FAM117B: variants seen among roughly 807,000 people sequenced by gnomAD.
The protein encoded by FAM117B is family with sequence similarity 117 member B.
FAM117B carries 22 observed loss-of-function variants against 52.8 expected under a neutral mutation model. The observed-to-expected ratio is 0.42, with a 90% CI of 0.30 to 0.59. The LOEUF is 0.59. Ranked by LOEUF, FAM117B falls within the 20% of genes least tolerant of loss-of-function variation. FAM117B has a pLI of 0.22. For synonymous variants in FAM117B, 309 were observed against 324.1 expected (o/e 0.95, Z 0.50); for missense variants, 678 against 802.6 (o/e 0.84, Z 1.88).
At chr2:202,659,206 A>G (rs1690093241) in intron 1 of FAM117B, among the ~76,000 whole-genome samples, 3 of 151,624 alleles carry the variant, frequency 2.0e-5, no homozygotes, top group Admixed American at 1.3e-4. Flanking sequence ...GGGTTTCACT[A>G]TGTTGCCCAG....
intron 1 of FAM117B, among the ~76,000 whole-genome samples, chr2:202,650,784 G>T (rs1689943646): frequency 6.6e-6 from 1 of 152,108 alleles, no homozygotes; most frequent in African/African-American, 2.4e-5. Context: ...GGAGAAAGAT[G>T]AAGGCCGGAA....
intron 2 of FAM117B, among the ~76,000 whole-genome samples, chr2:202,706,192 T>G (rs1238737888): frequency 6.6e-6 from 1 of 152,202 alleles, no homozygotes; most frequent in Non-Finnish European, 1.5e-5. Flanking sequence ...TGTCTTTCTC[T>G]TTCCTGTTTC....
intron 2 of FAM117B, among the ~76,000 whole-genome samples, chr2:202,714,305 A>G (rs771773404): frequency 2.0e-5 from 3 of 152,144 alleles, no homozygotes; most frequent in Admixed American, 6.6e-5. Context: ...ATGTTCTGCA[A>G]ATATCTATTA....
intron 1 of FAM117B, among the ~76,000 whole-genome samples, chr2:202,662,726 C>T (rs1690149242): frequency 6.6e-6 from 1 of 152,064 alleles, no homozygotes; most frequent in South Asian, 2.1e-4. Flanking sequence ...CGCCTGTAGT[C>T]CCAGCTACTT....
intron 2 of FAM117B, among the ~76,000 whole-genome samples, chr2:202,709,177 A>G (rs943013135): frequency 4.8e-5 from 7 of 146,674 alleles, no homozygotes; most frequent in Non-Finnish European, 1.0e-4. Context: ...TCCTTAGCCC[A>G]CTTTTTTTTT....
chr2:202,647,433 TA>T (rs1252408916), intron 1 of FAM117B, among the ~76,000 whole-genome samples: 1 of 152,206 alleles, frequency 6.6e-6, no homozygotes, highest in Non-Finnish European at 1.5e-5. Context: ...CGTGTATATA[TA>T]TTTTTTTCTG....
intron 1 of FAM117B, among the ~76,000 whole-genome samples, chr2:202,693,576 A>G (rs1690665923): frequency 6.6e-6 from 1 of 152,246 alleles, no homozygotes; most frequent in African/African-American, 2.4e-5. Flanking sequence ...AGCCTGGGTG[A>G]CAGAGCGAGA....
chr2:202,763,319 G>T (rs1033493474), intron 7 of FAM117B, among the ~76,000 whole-genome samples: 1 of 151,962 alleles, frequency 6.6e-6, no homozygotes, highest in Non-Finnish European at 1.5e-5. Flanking sequence ...TGATCCGCTC[G>T]CCTTGGCCTC....
At chr2:202,699,279 T>C (rs181532939) in intron 2 of FAM117B, among the ~76,000 whole-genome samples, 12 of 151,198 alleles carry the variant, frequency 7.9e-5, no homozygotes, top group African/African-American at 1.9e-4. Context: ...ATACAAAAAT[T>C]AGCCAGGCGT....
intron 1 of FAM117B, among the ~76,000 whole-genome samples, chr2:202,663,407 A>G (rs1051907659): frequency 1.3e-5 from 2 of 152,176 alleles, no homozygotes; most frequent in Non-Finnish European, 2.9e-5. Flanking sequence ...ACATTTATAT[A>G]TAGAGAGTTT....
chr2:202,763,508 G>A (rs1441029089), intron 7 of FAM117B, among the ~76,000 whole-genome samples: 1 of 151,848 alleles, frequency 6.6e-6, no homozygotes, highest in Non-Finnish European at 1.5e-5. Flanking sequence ...AGTTAACTTC[G>A]GTAATTCTGT....
chr2:202,685,385 A>G (rs576140111), intron 1 of FAM117B, among the ~76,000 whole-genome samples: 4 of 152,326 alleles, frequency 2.6e-5, no homozygotes, highest in African/African-American at 9.6e-5. Flanking sequence ...CCTTCTAATT[A>G]AAGGACTGCT....
At chr2:202,651,042 C>T (rs1357254235) in intron 1 of FAM117B, among the ~76,000 whole-genome samples, 1 of 150,634 alleles carries the variant, frequency 6.6e-6, no homozygotes, top group Non-Finnish European at 1.5e-5. Context: ...TTTGGATGTT[C>T]CCTTCTAATT....
rs1034425000 is a variant in FAM117B, at chr2:202,766,104, A to ACACACC, written c.*343_*344insACCCAC. 16 of 199,102 alleles carry ACACACC rather than the reference A, an allele frequency of 8.0e-5. No individual in the cohort carries two copies. Among genetic ancestry groups the ACACACC allele is most frequent in the Admixed American group, 2.4e-4 (4 of 16,732 alleles). The allele number at this position is 199,102 out of a possible 1,614,324, so 12.3% of individuals were successfully genotyped here. On this transcript the variant is annotated 3_prime_UTR_variant, in exon 8 of 8. Transcript: ENST00000392238. ...CACACACACACACACACACACACAC[A>ACACACC]CACCCCTGATCCTTGCCAACATGAT...
chr2:202,762,294 C>T (rs1229005323), intron 7 of FAM117B, among the ~76,000 whole-genome samples: 1 of 152,026 alleles, frequency 6.6e-6, no homozygotes, highest in Non-Finnish European at 1.5e-5. Context: ...GTCTGTTTAC[C>T]TGAAAGAAAA....
At chr2:202,690,975 C>A (rs1460063391) in intron 1 of FAM117B, among the ~76,000 whole-genome samples, 1 of 141,822 alleles carries the variant, frequency 7.1e-6, no homozygotes, top group African/African-American at 2.5e-5. Flanking sequence ...CAGGCTGCGA[C>A]TTATTCTTTT....
At chr2:202,697,912 C>T (rs922911316) in intron 2 of FAM117B, among the ~76,000 whole-genome samples, 4 of 151,982 alleles carry the variant, frequency 2.6e-5, no homozygotes, top group African/African-American at 9.7e-5. Flanking sequence ...GTTTCCCAGG[C>T]TGGATGGAGT....
At chr2:202,714,100 A>AT (rs927692439) in intron 2 of FAM117B, among the ~76,000 whole-genome samples, 29 of 150,870 alleles carry the variant, frequency 1.9e-4, no homozygotes, top group Middle Eastern at 3.4e-3. Context: ...TTTAATTTTC[A>AT]TTTTTTTTTA....
At chr2:202,730,436 G>T (rs757568501) in intron 4 of FAM117B, among the ~76,000 whole-genome samples, 1 of 152,130 alleles carries the variant, frequency 6.6e-6, no homozygotes, top group Non-Finnish European at 1.5e-5. Flanking sequence ...TTGGGAGGCC[G>T]AGGCGGGTGG....
Sources: allele counts gnomAD v4.1 joint callset (sites outside exome capture counted in the v4.1 genomes callset), GRCh38; gene constraint gnomAD v4.1.1; transcripts MANE v1.5; gene names NCBI Gene and HGNC (gene_info 2026-07-23, HGNC 2026-07-21).